Variants in RAB37 observed in about 807,000 individuals in gnomAD.
RAB37 encodes ras-related protein Rab-37.
RAB37 carries 29 observed loss-of-function variants against 33.1 expected under a neutral mutation model. The observed-to-expected ratio is 0.88, with a 90% CI of 0.65 to 1.20. RAB37 has a LOEUF of 1.20. Ranked by LOEUF, RAB37 falls within the 50% of genes most tolerant of loss-of-function variation. The probability of loss-of-function intolerance (pLI) is 0.00; values close to 1 mark genes in which losing one functional copy is unlikely to be tolerated. For missense variants in RAB37, 299 were observed against 301.1 expected, an observed-to-expected ratio of 0.99 and a Z score of 0.05; for synonymous variants, 128 against 119.5, an observed-to-expected ratio of 1.07 and a Z score of -0.47.
chr17:74,737,237 C>T (rs780679351), upstream of RAB37: 7 of 1,540,762 alleles, frequency 4.5e-6, no homozygotes, highest in South Asian at 1.2e-5. Context: ...TCTCCTTCGC[C>T]TGCGGGCCGG....
Position 74,718,316 on chromosome 17 carries a change from C to CATCATATCATATCAT in RAB37, c.73-10906_73-10892dup, listed in dbSNP as rs57513588. ...CTCTAAAACATCATATCATATCATA[C>CATCATATCATATCAT]ATCATATCATATCATATCATATCAT... On this transcript the variant is annotated intron_variant, in intron 1 of 7. Coordinates refer to the RAB37 transcript ENST00000340415. Among the ~76,000 whole-genome samples the CATCATATCATATCAT allele has an allele frequency of 4.9e-3, 725 of 147,698 alleles. 4 individuals carry two copies. The highest frequency in any genetic ancestry group is 0.01 in the East Asian group (52 of 4,990).
In RAB37 at chr17:74,744,405, C is replaced by G; in HGVS notation, c.432+32C>G. The G allele has an allele frequency of 6.2e-7, 1 of 1,607,024 alleles. No homozygotes were observed. Among genetic ancestry groups the G allele is most frequent in the Non-Finnish European group, 8.5e-7 (1 of 1,173,582 alleles). On this transcript the variant is annotated intron_variant, in intron 6 of 8. Coordinates refer to ENST00000392613, the MANE Select transcript of RAB37 (RefSeq NM_001006638.3). The surrounding 1 kb of genome is among the most constrained non-coding windows in gnomAD (Gnocchi z 4.2). ...GGCTCCGGGGCAGGGTCAGCCCAGC[C>G]CTGCACTTCCTCAGCCCTAGCCGGC...
chr17:74,693,681 C>A (rs1397983910), intron 1 of RAB37, among the ~76,000 whole-genome samples: 1 of 152,104 alleles, frequency 6.6e-6, no homozygotes, highest in Non-Finnish European at 1.5e-5. Context: ...ATAATCCCAG[C>A]ACTTTGGGAG....
chr17:74,690,452 A>G (rs963227472), intron 1 of RAB37, among the ~76,000 whole-genome samples: 1 of 152,190 alleles, frequency 6.6e-6, no homozygotes, highest in African/African-American at 2.4e-5. Context: ...CTGAGGAACC[A>G]TATTTAAGAT....
chr17:74,697,207 G>C (rs2032572455), intron 1 of RAB37, among the ~76,000 whole-genome samples: 1 of 152,140 alleles, frequency 6.6e-6, no homozygotes, highest in South Asian at 2.1e-4. Flanking sequence ...ACCTCCCTAA[G>C]TGCGGAGATT....
chr17:74,697,380 T>C (rs1435169423), intron 1 of RAB37, among the ~76,000 whole-genome samples: 1 of 152,164 alleles, frequency 6.6e-6, no homozygotes, highest in African/African-American at 2.4e-5. Flanking sequence ...TTCCCCTGGT[T>C]TCAAAAGTCT....
At chr17:74,672,927 A>G (rs932460032) in intron 1 of RAB37, 1 of 152,256 alleles carries the variant, frequency 6.6e-6, no homozygotes, top group African/African-American at 2.4e-5. Context: ...TATTGAAGGA[A>G]GCAGGTCTCT....
intron 1 of RAB37, among the ~76,000 whole-genome samples, chr17:74,689,202 GGAGGTC>G (rs2032113388): frequency 6.6e-6 from 1 of 152,138 alleles, no homozygotes; most frequent in Admixed American, 6.5e-5. Flanking sequence ...CAGCACTTTG[GGAGGTC>G]GAGGTGGGCA....
At chr17:74,700,172 C>T (rs150196955) in intron 1 of RAB37, among the ~76,000 whole-genome samples, 27 of 130,990 alleles carry the variant, frequency 2.1e-4, no homozygotes, top group African/African-American at 5.3e-4. Context: ...AATAAATAAA[C>T]AAACAAACAA....
upstream of RAB37, among the ~76,000 whole-genome samples, chr17:74,732,609 C>G (rs1447497661): frequency 2.3e-5 from 3 of 132,208 alleles, no homozygotes; most frequent in African/African-American, 8.7e-5. Flanking sequence ...GTGTGTGTGT[C>G]TGGGGTGTGA....
intron 1 of RAB37, chr17:74,705,194 AGGG>A: frequency 2.9e-6 from 2 of 698,724 alleles, no homozygotes; most frequent in Non-Finnish European, 5.2e-6. Context: ...CCCTTTCCAC[AGGG>A]TCTTACCTTG....
intron 1 of RAB37, among the ~76,000 whole-genome samples, chr17:74,723,515 G>A (rs1009315118): frequency 4.6e-5 from 7 of 151,718 alleles, no homozygotes; most frequent in South Asian, 2.1e-4. Context: ...GAACAAAGAC[G>A]CTTGTCTGAA....
At chr17:74,720,305 C>T (rs1188256644) in intron 1 of RAB37, among the ~76,000 whole-genome samples, 2 of 152,110 alleles carry the variant, frequency 1.3e-5, no homozygotes, top group African/African-American at 4.8e-5. Flanking sequence ...TTCTTTTAGG[C>T]CAGGCATGGT....
chr17:74,696,512 C>T (rs1428021929), intron 1 of RAB37, among the ~76,000 whole-genome samples: 2 of 152,192 alleles, frequency 1.3e-5, no homozygotes, highest in Non-Finnish European at 2.9e-5. Context: ...CATCGGCTCC[C>T]CTGGGAGTAA....
At chr17:74,702,975 G>T in intron 1 of RAB37, 1 of 1,359,514 alleles carries the variant, frequency 7.4e-7, no homozygotes, top group South Asian at 1.2e-5. Context: ...GGACTTCAAA[G>T]AGTTCTCCAT....
intron 1 of RAB37, among the ~76,000 whole-genome samples, chr17:74,711,621 C>T (rs948257618): frequency 2.0e-5 from 3 of 152,148 alleles, no homozygotes; most frequent in Admixed American, 6.5e-5. Flanking sequence ...CAGACGTGCC[C>T]AGTCCAAGCT....
intron 1 of RAB37, among the ~76,000 whole-genome samples, chr17:74,718,392 C>T (rs1022476628): frequency 6.6e-6 from 1 of 151,838 alleles, no homozygotes; most frequent in East Asian, 1.9e-4. Context: ...TTTGTTATAG[C>T]AGCCGGGACT....
At chr17:74,716,747 A>G (rs116362258) in intron 1 of RAB37, among the ~76,000 whole-genome samples, 1,782 of 152,214 alleles carry the variant, frequency 0.012, 40 homozygotes, top group African/African-American at 0.04. Flanking sequence ...AACAGCCCTT[A>G]GATCCTGCTC....
At chr17:74,727,244 A>G (rs2034317354) in intron 1 of RAB37, among the ~76,000 whole-genome samples, 1 of 152,200 alleles carries the variant, frequency 6.6e-6, no homozygotes, top group Non-Finnish European at 1.5e-5. Context: ...CACACAGGAG[A>G]TCTATGGACA....
Sources: allele counts gnomAD v4.1 joint callset (sites outside exome capture counted in the v4.1 genomes callset), GRCh38; gene constraint gnomAD v4.1.1; non-coding constraint Gnocchi (gnomAD v3.1); transcripts MANE v1.5; gene names NCBI Gene and HGNC (gene_info 2026-07-23, HGNC 2026-07-21).